The following ULK4 variants were observed in gnomAD, a reference collection of about 807,000 sequenced individuals.
ULK4 encodes the protein unc-51 like kinase 4.
In ULK4, 133 loss-of-function variants were observed where a neutral mutation model predicts 160.6. The ratio of observed to expected loss-of-function variants is 0.83; its 90% CI spans 0.72 to 0.96. The LOEUF is 0.96. Ranked by LOEUF, ULK4 falls within the 40% of genes least tolerant of loss-of-function variation. ULK4 has a pLI of 0.00. For synonymous variants in ULK4, 534 were observed against 539.8 expected (o/e 0.99, Z 0.15); for missense variants, 1,580 against 1,499.5 (o/e 1.05, Z -0.89).
chr3:41,670,200 C>A (rs1205685206), intron 29 of ULK4, among the ~76,000 whole-genome samples: 1 of 152,222 alleles, frequency 6.6e-6, no homozygotes, highest in East Asian at 1.9e-4. Context: ...GGCTGCCAAA[C>A]AGCAAGGACA....
At chr3:41,844,318 G>C (rs531646682) in intron 17 of ULK4, among the ~76,000 whole-genome samples, 1 of 152,290 alleles carries the variant, frequency 6.6e-6, no homozygotes, top group East Asian at 1.9e-4. Context: ...TGCCCCATGG[G>C]AAGGCAGCTA....
chr3:41,319,632 A>G (rs1308283384), intron 35 of ULK4, among the ~76,000 whole-genome samples: 2 of 152,204 alleles, frequency 1.3e-5, no homozygotes, highest in Non-Finnish European at 2.9e-5. Context: ...TCATATCACC[A>G]TATTCATTTT....
intron 2 of ULK4, among the ~76,000 whole-genome samples, chr3:41,941,551 A>G (rs1316535134): frequency 4.6e-5 from 7 of 151,486 alleles, no homozygotes; most frequent in Non-Finnish European, 8.8e-5. Context: ...AAGCAGAGCG[A>G]CCAAGAGAAA....
At chr3:41,925,509 T>C (rs1390729670) in intron 5 of ULK4, among the ~76,000 whole-genome samples, 2 of 150,504 alleles carry the variant, frequency 1.3e-5, no homozygotes, top group African/African-American at 4.9e-5. Context: ...GGTGCAGGAG[T>C]TTTTTTTCAT....
rs1409265700 is a variant in ULK4, at chr3:41,829,255, A to G, written c.1764+6609T>C. Reference sequence around the variant, plus strand: ...GCATGGGCAAGGACTTCATGTGTAAAACACCAAAAGCAATGGCAACAAAAG... The same window carrying G: ...GCATGGGCAAGGACTTCATGTGTAAGACACCAAAAGCAATGGCAACAAAAG... On this transcript the variant is annotated intron_variant, in intron 18 of 36. Transcript: ENST00000301831. Among the ~76,000 whole-genome samples, 13 of 147,402 alleles carry G rather than the reference A, an allele frequency of 8.8e-5. No homozygotes were observed. The East Asian group carries it at 9.7e-4, about 11-fold the overall frequency.
chr3:41,550,521 CAGT>C (rs2087022517), intron 32 of ULK4, among the ~76,000 whole-genome samples: 1 of 151,894 alleles, frequency 6.6e-6, no homozygotes, highest in African/African-American at 2.4e-5. Context: ...AAAAACATTA[CAGT>C]CAAAACACGA....
chr3:41,661,190 G>T (rs1575541752), intron 30 of ULK4, among the ~76,000 whole-genome samples: 1 of 152,046 alleles, frequency 6.6e-6, no homozygotes, highest in Non-Finnish European at 1.5e-5. Context: ...TCAGTAGTTA[G>T]GTGAATGCAA....
chr3:41,424,749 G>A (rs991181995), intron 34 of ULK4, among the ~76,000 whole-genome samples: 4 of 143,190 alleles, frequency 2.8e-5, no homozygotes, highest in Non-Finnish European at 4.5e-5. Context: ...GCATCAACAG[G>A]AAACTCCCCA....
intron 32 of ULK4, among the ~76,000 whole-genome samples, chr3:41,543,215 C>T (rs555818700): frequency 1.3e-5 from 2 of 152,088 alleles, no homozygotes; most frequent in Admixed American, 6.6e-5. Context: ...TTCTGTGTCT[C>T]ATCATTATAG....
In ULK4 at chr3:41,956,601, T is replaced by C. The variant is rs1056110138; in HGVS notation, c.-48-1794A>G. Among the ~76,000 whole-genome samples, 54 of 152,096 alleles carry C rather than the reference T, an allele frequency of 3.6e-4. 1 individual carries two copies. The highest frequency in any genetic ancestry group is 1.3e-3 in the African/African-American group (54 of 41,432). Reference sequence around the variant, plus strand: ...GCAAAAGAGAAACATATGCCCCACCTAGACCTTATTAATTATGAGAAGTAA... The same window carrying C: ...GCAAAAGAGAAACATATGCCCCACCCAGACCTTATTAATTATGAGAAGTAA... On this transcript the variant is annotated intron_variant, in intron 1 of 36. Coordinates refer to ENST00000301831, the MANE Select transcript of ULK4 (RefSeq NM_017886.4).
chr3:41,700,825 A>G (rs2036648681), intron 27 of ULK4, among the ~76,000 whole-genome samples: 1 of 152,232 alleles, frequency 6.6e-6, no homozygotes, highest in African/African-American at 2.4e-5. Flanking sequence ...ACATGAATAA[A>G]TAAGTCACGC....
At position 41,581,299 on chromosome 3, in the gene ULK4, T is replaced by C. The variant is rs148529906; in HGVS notation, c.3121-15169A>G. Among the ~76,000 whole-genome samples the C allele has an allele frequency of 7.6e-3, 1,157 of 152,240 alleles. 10 individuals are homozygous for C. Among genetic ancestry groups the C allele is most frequent in the African/African-American group, 0.02 (838 of 41,546 alleles). Reference sequence around the variant, plus strand: ...GAGAGTACGTTTACCTTCTCAATCATAGGGTTTTGCCATATAGAATGGAAA... The same window carrying C: ...GAGAGTACGTTTACCTTCTCAATCACAGGGTTTTGCCATATAGAATGGAAA... On this transcript the variant is annotated intron_variant, in intron 31 of 36. Coordinates refer to ENST00000301831, the MANE Select transcript of ULK4 (RefSeq NM_017886.4).
At chr3:41,934,937 G>C (rs1415348956) in intron 4 of ULK4, among the ~76,000 whole-genome samples, 1 of 151,622 alleles carries the variant, frequency 6.6e-6, no homozygotes, top group East Asian at 1.9e-4. Flanking sequence ...TACTCAAAGA[G>C]CTCTGAAAGG....
At chr3:41,889,010 A>C (rs3774376) in intron 16 of ULK4, among the ~76,000 whole-genome samples, 8,374 of 152,226 alleles carry the variant, frequency 0.055, 412 homozygotes, top group East Asian at 0.16. Flanking sequence ...CAATCAATTT[A>C]ATCATTTATT....
chr3:41,902,323 T>C (rs1472640514), intron 12 of ULK4, among the ~76,000 whole-genome samples: 1 of 152,138 alleles, frequency 6.6e-6, no homozygotes, highest in Admixed American at 6.5e-5. Context: ...CTTAGGCCTG[T>C]AATCCCAGCA....
intron 35 of ULK4, among the ~76,000 whole-genome samples, chr3:41,265,761 G>GT (rs1328592997): frequency 1.3e-5 from 2 of 152,178 alleles, no homozygotes; most frequent in Non-Finnish European, 2.9e-5. Context: ...CTTTGAGGAC[G>GT]TTTTTTGCGA....
At chr3:41,339,695 A>G (rs2125749079) in intron 35 of ULK4, among the ~76,000 whole-genome samples, 1 of 152,216 alleles carries the variant, frequency 6.6e-6, no homozygotes, top group East Asian at 1.9e-4. Flanking sequence ...ATATTTTGCC[A>G]CTCTTATACA....
intron 32 of ULK4, among the ~76,000 whole-genome samples, chr3:41,561,033 G>C (rs1050679467): frequency 6.6e-6 from 1 of 152,124 alleles, no homozygotes; most frequent in African/African-American, 2.4e-5. Flanking sequence ...TTTGAGATAC[G>C]TTCCTTCAAT....
At chr3:41,920,888 G>T (rs931230441) in intron 5 of ULK4, among the ~76,000 whole-genome samples, 6 of 152,128 alleles carry the variant, frequency 3.9e-5, no homozygotes, top group Non-Finnish European at 7.3e-5. Flanking sequence ...AGGAAACAAA[G>T]ACAAATAACG....
Sources: allele counts gnomAD v4.1 joint callset (sites outside exome capture counted in the v4.1 genomes callset), GRCh38; gene constraint gnomAD v4.1.1; transcripts MANE v1.5; gene names NCBI Gene and HGNC (gene_info 2026-07-23, HGNC 2026-07-21).